The following BCL9 variants were observed in gnomAD, a reference collection of about 807,000 sequenced individuals.
BCL9 encodes the protein BCL9 transcription coactivator, also known as B-cell CLL/lymphoma 9 protein.
Under a neutral mutation model 88.5 loss-of-function variants are expected in BCL9, and 25 were observed. The observed-to-expected ratio is 0.28, with a 90% CI of 0.21 to 0.39. The LOEUF (loss-of-function observed/expected upper bound fraction) is 0.39, where lower values mean the gene tolerates loss of function less well. BCL9 is among the 10% of genes least tolerant of loss of function. The pLI is 1.00. For missense variants in BCL9, 1,817 were observed against 1,877.8 expected (o/e 0.97, Z 0.60); for synonymous variants, 711 against 673.3 (o/e 1.06, Z -0.87).
intron 1 of BCL9, among the ~76,000 whole-genome samples, chr1:147,578,831 C>T (rs1275924242): frequency 6.6e-6 from 1 of 151,524 alleles, no homozygotes; most frequent in Non-Finnish European, 1.5e-5. Flanking sequence ...GGGAAAGGTA[C>T]CCAGACTTGG....
At chr1:147,606,169 A>G (rs1319735477) in intron 2 of BCL9, among the ~76,000 whole-genome samples, 1 of 152,184 alleles carries the variant, frequency 6.6e-6, no homozygotes, top group Admixed American at 6.5e-5. Context: ...CTGCTTGGCC[A>G]GTACTTAGTG....
Position 147,624,847 on chromosome 1 carries a change from C to G in BCL9, c.4169C>G (p.Pro1390Arg). The G allele has an allele frequency of 6.2e-7, 1 of 1,614,056 alleles. No individual in the cohort carries two copies. Among genetic ancestry groups the G allele is most frequent in the Non-Finnish European group, 8.5e-7 (1 of 1,179,996 alleles). Residue 1390 changes from proline (P) to arginine (R), a missense_variant, in exon 10 of 10, where the codon CCC (proline) becomes CGC (arginine). Pro to Arg is a moderately radical substitution (Grantham distance 103, BLOSUM62 -2). This residue lies in a region of BCL9 where 589 missense variants were observed against 686.2 expected (regional missense o/e 0.86). Coordinates refer to ENST00000234739, the MANE Select transcript of BCL9 (RefSeq NM_004326.4). This position sits in a 1 kb window ranked among gnomAD's most constrained non-coding sequence, Gnocchi z 4.4. Reference sequence around the variant, plus strand: ...ATGTCCATGCAGGGCATGATGGGACCCCAACAGAACATCATGATCCCCCCA... The same window carrying G: ...ATGTCCATGCAGGGCATGATGGGACGCCAACAGAACATCATGATCCCCCCA... Reference protein sequence around the residue: ...MMMSMQGMMGPQQNIMIPPQM... With the variant: ...MMMSMQGMMGRQQNIMIPPQM...
chr1:147,599,682 C>T (rs1180796659), intron 1 of BCL9, among the ~76,000 whole-genome samples: 2 of 152,190 alleles, frequency 1.3e-5, no homozygotes, highest in Non-Finnish European at 2.9e-5. Flanking sequence ...GCGTCCCCTC[C>T]AGCCGGGTGA....
At chr1:147,583,057 A>G (rs10900379) in intron 1 of BCL9, among the ~76,000 whole-genome samples, 37,441 of 152,138 alleles carry the variant, frequency 0.25, 5,682 homozygotes, top group African/African-American at 0.41. Flanking sequence ...ACTAGTTAGG[A>G]TGAGTTTTTC....
At chr1:147,598,831 A>C (rs2101584843) in intron 1 of BCL9, among the ~76,000 whole-genome samples, 1 of 152,354 alleles carries the variant, frequency 6.6e-6, no homozygotes, top group African/African-American at 2.4e-5. Context: ...GAGGGTGCAG[A>C]GCAGACAGAT....
intron 1 of BCL9, among the ~76,000 whole-genome samples, chr1:147,598,099 TC>T (rs1657132283): frequency 6.6e-6 from 1 of 152,216 alleles, no homozygotes; most frequent in Admixed American, 6.5e-5. Context: ...ACATTAGCAA[TC>T]CCAAATGTTT....
rs1301477268 is a variant in BCL9, at chr1:147,614,548, A to G, written c.492A>G (p.Thr164=). 8 of 1,613,950 alleles carry G rather than the reference A, an allele frequency of 5.0e-6. No homozygotes were observed. Among genetic ancestry groups the G allele is most frequent in the Non-Finnish European group, 5.1e-6 (6 of 1,180,002 alleles). Residue 164 remains threonine, a synonymous_variant, in exon 6 of 10, where the codon ACA becomes ACG. Coordinates refer to ENST00000234739, the MANE Select transcript of BCL9 (RefSeq NM_004326.4). ...STPSHGQTTA[T]EPTPAQKTPA... ...CCTCCCATGGCCAAACTACTGCCAC[A>G]GAGCCCACACCTGCTCAGAAGACTC...
At chr1:147,583,814 A>G (rs12048988) in intron 1 of BCL9, among the ~76,000 whole-genome samples, 2 of 151,104 alleles carry the variant, frequency 1.3e-5, no homozygotes, top group South Asian at 2.1e-4. Flanking sequence ...TTAGCTGGGC[A>G]TGGTGGCTGG....
At chr1:147,621,479 G>C (rs1658638672) in intron 8 of BCL9, among the ~76,000 whole-genome samples, 4 of 152,184 alleles carry the variant, frequency 2.6e-5, no homozygotes, top group African/African-American at 9.7e-5. Flanking sequence ...GACTTGTGTG[G>C]TTCTTGTAAA....
At chr1:147,556,702 G>A (rs973300241) in intron 1 of BCL9, among the ~76,000 whole-genome samples, 1 of 150,764 alleles carries the variant, frequency 6.6e-6, no homozygotes, top group Non-Finnish European at 1.5e-5. Context: ...TCCCACCTTG[G>A]CCCCCAAAGT....
intron 1 of BCL9, among the ~76,000 whole-genome samples, chr1:147,559,969 A>G (rs587739691): frequency 6.6e-6 from 1 of 152,350 alleles, no homozygotes; most frequent in South Asian, 2.1e-4. Context: ...AAACTCTTGG[A>G]AACCAGAGTT....
intron 6 of BCL9, among the ~76,000 whole-genome samples, chr1:147,615,514 A>G (rs1553203668): frequency 6.6e-6 from 1 of 152,230 alleles, no homozygotes; most frequent in Non-Finnish European, 1.5e-5. Context: ...GATTCTCTAT[A>G]AAACACCTAC....
At chr1:147,578,165 A>G (rs1482896843) in intron 1 of BCL9, among the ~76,000 whole-genome samples, 4 of 152,172 alleles carry the variant, frequency 2.6e-5, no homozygotes, top group African/African-American at 9.7e-5. Flanking sequence ...ACTGACTTCA[A>G]TTATTCCCCT....
intron 1 of BCL9, among the ~76,000 whole-genome samples, chr1:147,583,079 G>A (rs1656439770): frequency 6.6e-6 from 1 of 152,076 alleles, no homozygotes; most frequent in Non-Finnish European, 1.5e-5. Context: ...ATAAGTTCAT[G>A]TAAATTTTTT....
intron 1 of BCL9, among the ~76,000 whole-genome samples, chr1:147,582,958 A>C (rs1656432114): frequency 1.3e-5 from 2 of 152,234 alleles, no homozygotes; most frequent in Non-Finnish European, 1.5e-5. Context: ...ATTCTTTGTT[A>C]ATTTGAGCAA....
intron 1 of BCL9, among the ~76,000 whole-genome samples, chr1:147,551,817 T>G (rs1654916407): frequency 6.6e-6 from 1 of 152,216 alleles, no homozygotes; most frequent in African/African-American, 2.4e-5. Flanking sequence ...TCTTTATAAA[T>G]GACGCAGTCT....
intron 1 of BCL9, among the ~76,000 whole-genome samples, chr1:147,562,055 G>A (rs1190632853): frequency 3.9e-5 from 6 of 152,306 alleles, no homozygotes; most frequent in Middle Eastern, 6.8e-3. Flanking sequence ...GAGGCCGGGC[G>A]TGGTGGCTCA....
intron 1 of BCL9, among the ~76,000 whole-genome samples, chr1:147,544,674 A>G (rs1654477221): frequency 6.6e-6 from 1 of 152,202 alleles, no homozygotes; most frequent in South Asian, 2.1e-4. Context: ...CAAAGACAAT[A>G]TAATAAAATG....
At chr1:147,609,361 C>T (rs1245832554) in intron 3 of BCL9, among the ~76,000 whole-genome samples, 1 of 152,056 alleles carries the variant, frequency 6.6e-6, no homozygotes, top group African/African-American at 2.4e-5. Flanking sequence ...GATTGAAAAA[C>T]TTAGATTTTG....
Sources: gnomAD v4.1 joint callset for allele counts (sites outside exome capture counted in the v4.1 genomes callset) on GRCh38, gnomAD v4.1.1 for gene constraint, gnomAD v4.1.1 regional missense constraint, Gnocchi (gnomAD v3.1) non-coding constraint, MANE v1.5 for transcripts, NCBI Gene and HGNC (gene_info 2026-07-23, HGNC 2026-07-21) for gene names.